The following LTBP1 variants were observed in gnomAD, a reference collection of about 807,000 sequenced individuals.
The protein encoded by LTBP1 is latent transforming growth factor beta binding protein 1.
LTBP1 carries 129 observed loss-of-function variants against 207.6 expected under a neutral mutation model. The observed-to-expected ratio is 0.62, with a 90% CI of 0.54 to 0.72. The LOEUF is 0.72. Ranked by LOEUF, LTBP1 falls within the 30% of genes least tolerant of loss-of-function variation. LTBP1 has a pLI of 0.00. For synonymous variants in LTBP1, 963 were observed against 833.7 expected, an observed-to-expected ratio of 1.16 and a Z score of -2.67; for missense variants, 2,281 against 2,217.2, an observed-to-expected ratio of 1.03 and a Z score of -0.58.
At chr2:33,210,771 G>A (rs2090252417) in intron 7 of LTBP1, among the ~76,000 whole-genome samples, 1 of 152,130 alleles carries the variant, frequency 6.6e-6, no homozygotes, top group African/African-American at 2.4e-5. Context: ...TTTTCTCCCA[G>A]CTGGTGGTTG....
chr2:32,997,187 G>GCTCAC (rs1685424428), intron 2 of LTBP1, among the ~76,000 whole-genome samples: 22 of 151,942 alleles, frequency 1.4e-4, no homozygotes, highest in Non-Finnish European at 2.9e-5. Context: ...ACCCGGCCTG[G>GCTCAC]ATGGAACTTA....
intron 4 of LTBP1, among the ~76,000 whole-genome samples, chr2:33,131,681 T>C (rs1024041750): frequency 2.0e-5 from 3 of 152,392 alleles, no homozygotes; most frequent in Admixed American, 6.5e-5. Flanking sequence ...ATTAGATTAC[T>C]TTATAGCAGA....
intron 4 of LTBP1, among the ~76,000 whole-genome samples, chr2:33,125,462 C>G (rs547805828): frequency 1.7e-4 from 26 of 150,494 alleles, no homozygotes; most frequent in African/African-American, 5.6e-4. Context: ...GAATTTGGGC[C>G]AAAAAAAAGC....
At chr2:33,254,554 T>TG (rs1553469988) in intron 11 of LTBP1, among the ~76,000 whole-genome samples, 1 of 148,788 alleles carries the variant, frequency 6.7e-6, no homozygotes, top group Non-Finnish European at 1.5e-5. Context: ...ACTTGGTTTT[T>TG]TTTTTTTTTT....
At chr2:33,365,944 T>A (rs556044289) in intron 31 of LTBP1, among the ~76,000 whole-genome samples, 1 of 152,208 alleles carries the variant, frequency 6.6e-6, no homozygotes, top group Non-Finnish European at 1.5e-5. Flanking sequence ...TGTGGAGATA[T>A]AAGAAACGGG....
At chr2:33,176,143 C>G (rs2086024034) in intron 5 of LTBP1, among the ~76,000 whole-genome samples, 1 of 151,076 alleles carries the variant, frequency 6.6e-6, no homozygotes, top group African/African-American at 2.4e-5. Context: ...TACCCTAAAG[C>G]TTAAAGTATA....
chr2:33,067,116 G>A (rs1305850204), intron 3 of LTBP1, among the ~76,000 whole-genome samples: 1 of 152,170 alleles, frequency 6.6e-6, no homozygotes, highest in East Asian at 1.9e-4. Flanking sequence ...AGGCTGCAGT[G>A]AGCTGTGATC....
chr2:33,166,443 A>G (rs753646196), intron 5 of LTBP1, among the ~76,000 whole-genome samples: 4 of 152,190 alleles, frequency 2.6e-5, no homozygotes, highest in African/African-American at 7.2e-5. Context: ...CTTATTAGTG[A>G]TGGTAGTTTT....
At position 33,082,431 on chromosome 2, in the gene LTBP1, ACTTTT is replaced by A. The variant is rs1368194314; in HGVS notation, c.864-28150_864-28146del. 4.1e-3 allele frequency among the ~76,000 whole-genome samples: 478 copies of A among 116,012 alleles called. 92 individuals are homozygous for A. The East Asian group carries it at 0.051, about 12-fold the overall frequency. The allele number at this position is 116,012 out of a possible 152,430, so 76.1% of individuals were successfully genotyped here. The stretch of plus-strand genomic sequence containing the variant: ...GTTAACCGTGGCTAAAGTATGACTC[ACTTTT>A]TTTTTTTTTTTTTTTTTTTTTTTTT... On this transcript the variant is annotated intron_variant, in intron 3 of 33. Transcript: ENST00000404816.
chr2:32,984,766 C>A (rs1027632510), intron 2 of LTBP1, among the ~76,000 whole-genome samples: 17 of 143,196 alleles, frequency 1.2e-4, no homozygotes, highest in Non-Finnish European at 9.1e-5. Flanking sequence ...ACTAAAAATA[C>A]AAAAAAAAAA....
intron 19 of LTBP1, chr2:33,286,007 T>C (rs1334641506): frequency 1.3e-5 from 2 of 152,192 alleles, no homozygotes; most frequent in African/African-American, 4.8e-5. Flanking sequence ...ATAATGCTGC[T>C]ATTTCCATTC....
At chr2:33,311,535 G>GGAAAA (rs375144159) in intron 23 of LTBP1, among the ~76,000 whole-genome samples, 2 of 138,354 alleles carry the variant, frequency 1.4e-5, no homozygotes, top group African/African-American at 5.3e-5. Flanking sequence ...CCAAGAGATG[G>GGAAAA]AAAAAAAAAA....
At chr2:32,949,982 T>G (rs1676854276) in intron 2 of LTBP1, among the ~76,000 whole-genome samples, 1 of 152,270 alleles carries the variant, frequency 6.6e-6, no homozygotes, top group South Asian at 2.1e-4. Flanking sequence ...AACAGTCTTC[T>G]GACTATTGAA....
intron 10 of LTBP1, among the ~76,000 whole-genome samples, chr2:33,251,075 C>G (rs1291861653): frequency 6.6e-6 from 1 of 152,170 alleles, no homozygotes; most frequent in Non-Finnish European, 1.5e-5. Context: ...AACACCAATG[C>G]CAGTGTACGC....
intron 4 of LTBP1, among the ~76,000 whole-genome samples, chr2:33,124,446 T>G (rs1040663122): frequency 2.6e-5 from 4 of 152,186 alleles, no homozygotes; most frequent in Admixed American, 2.0e-4. Flanking sequence ...GAGTAAACCT[T>G]TCTAATCAGT....
chr2:33,201,698 A>G (rs1313152100), intron 7 of LTBP1, among the ~76,000 whole-genome samples: 2 of 152,236 alleles, frequency 1.3e-5, no homozygotes, highest in African/African-American at 4.8e-5. Context: ...TACATATTCT[A>G]CAGAAGAAAA....
intron 15 of LTBP1, among the ~76,000 whole-genome samples, chr2:33,265,707 G>A (rs751858417): frequency 6.6e-6 from 1 of 151,836 alleles, no homozygotes; most frequent in Non-Finnish European, 1.5e-5. Flanking sequence ...TTTTTTAGTG[G>A]CATCTGAGAG....
intron 4 of LTBP1, among the ~76,000 whole-genome samples, chr2:33,120,063 G>A (rs218195): frequency 0.051 from 7,762 of 152,188 alleles, 262 homozygotes; most frequent in Middle Eastern, 0.071. Flanking sequence ...CTAAGAGGTA[G>A]TTGCAGTATG....
Position 33,085,249 on chromosome 2 carries a change from G to A in LTBP1, c.864-25333G>A, listed in dbSNP as rs145824654. Among the ~76,000 whole-genome samples the A allele has an allele frequency of 3.1e-3, 472 of 152,288 alleles. 2 individuals carry two copies. The highest frequency in any genetic ancestry group is 0.011 in the African/African-American group (445 of 41,568). On this transcript the variant is annotated intron_variant, in intron 3 of 33. Coordinates refer to ENST00000404816, the MANE Select transcript of LTBP1 (RefSeq NM_206943.4). The stretch of plus-strand genomic sequence containing the variant: ...TTTCAGACTTCTGGTCTCCATACCC[G>A]AGAGAGAATACATTTCTGTTGTTTT...
Sources: allele counts gnomAD v4.1 joint callset (sites outside exome capture counted in the v4.1 genomes callset), GRCh38; gene constraint gnomAD v4.1.1; transcripts MANE v1.5; gene names NCBI Gene and HGNC (gene_info 2026-07-23, HGNC 2026-07-21).